Variants in RBFOX1 observed in about 807,000 individuals in gnomAD.
RBFOX1 encodes RNA binding protein fox-1 homolog 1.
Under a neutral mutation model 57.7 loss-of-function variants are expected in RBFOX1, and 8 were observed. That is an observed-to-expected ratio of 0.14 (90% CI 0.08 to 0.25). RBFOX1 has a LOEUF of 0.25. RBFOX1 is among the 10% of genes least tolerant of loss of function. RBFOX1 has a pLI of 1.00. For synonymous variants in RBFOX1, 326 were observed against 222.4 expected (o/e 1.47, Z -4.15); for missense variants, 611 against 548.5 (o/e 1.11, Z -1.14).
At chr16:6,142,006 C>G (rs1010470996) in intron 1 of RBFOX1, among the ~76,000 whole-genome samples, 1 of 151,102 alleles carries the variant, frequency 6.6e-6, no homozygotes, top group African/African-American at 2.4e-5. Flanking sequence ...TTGCAGTGAG[C>G]TGAGATCATG....
intron 14 of RBFOX1, 28 bp downstream of exon 14, chr16:7,676,866 A>C: frequency 6.3e-7 from 1 of 1,578,242 alleles, no homozygotes; most frequent in Non-Finnish European, 8.7e-7. Flanking sequence ...TGTGCTTGAC[A>C]ACTACTTGTA....
chr16:5,253,121 T>C (rs1316680529), intron 1 of RBFOX1, among the ~76,000 whole-genome samples: 1 of 152,200 alleles, frequency 6.6e-6, no homozygotes, highest in Non-Finnish European at 1.5e-5. Flanking sequence ...TTCTCCCCTT[T>C]AGCAAATGCT....
intron 2 of RBFOX1, among the ~76,000 whole-genome samples, chr16:6,625,157 TAA>T (rs34634402): frequency 0.054 from 3,024 of 56,026 alleles, 37 homozygotes; most frequent in Non-Finnish European, 0.071. Context: ...CAACCCTATC[TAA>T]AAAAAAAAAA....
At chr16:5,742,291 C>A (rs1300630542) in intron 3 of RBFOX1, among the ~76,000 whole-genome samples, 2 of 146,646 alleles carry the variant, frequency 1.4e-5, no homozygotes, top group Non-Finnish European at 3.0e-5. Flanking sequence ...TCCCTCCCTT[C>A]CTGCCTCCCT....
intron 1 of RBFOX1, among the ~76,000 whole-genome samples, chr16:5,350,747 C>T (rs563204012): frequency 6.6e-6 from 1 of 152,182 alleles, no homozygotes; most frequent in South Asian, 2.1e-4. Context: ...GCGCCTGTAA[C>T]CCCAGCTACT....
intron 11 of RBFOX1, among the ~76,000 whole-genome samples, chr16:7,631,873 G>T (rs1398544059): frequency 6.6e-6 from 1 of 152,144 alleles, no homozygotes; most frequent in Non-Finnish European, 1.5e-5. Context: ...ACACCCAAGG[G>T]TCTGAAGTCT....
intron 1 of RBFOX1, among the ~76,000 whole-genome samples, chr16:6,271,071 G>T (rs895572892): frequency 5.9e-5 from 9 of 152,158 alleles, no homozygotes; most frequent in Non-Finnish European, 1.2e-4. Context: ...AGCAATAAAT[G>T]AATACATTAG....
At chr16:5,817,976 C>T (rs548751865) in intron 3 of RBFOX1, among the ~76,000 whole-genome samples, 4 of 151,952 alleles carry the variant, frequency 2.6e-5, no homozygotes, top group Non-Finnish European at 4.4e-5. Context: ...GGGCGTGAGC[C>T]ACCGCGCCTG....
chr16:7,013,694 G>T (rs927222883), intron 3 of RBFOX1, among the ~76,000 whole-genome samples: 3 of 152,142 alleles, frequency 2.0e-5, no homozygotes, highest in Non-Finnish European at 4.4e-5. Context: ...GTTTTTCTCT[G>T]TTGCCCAGGC....
chr16:7,460,389 A>ATATATATATATATATGTG lies in RBFOX1; in HGVS notation c.28-57757_28-57756insATATATATATATATGTGT. Among the ~76,000 whole-genome samples the ATATATATATATATATGTG allele has an allele frequency of 0.01, 880 of 87,030 alleles. 46 individuals are homozygous for ATATATATATATATATGTG. The East Asian group carries it at 0.14, about 13-fold the overall frequency. 57.1% of individuals were successfully genotyped at this position (87,030 alleles called of 152,430 possible). On this transcript the variant is annotated intron_variant, in intron 4 of 15. Coordinates refer to ENST00000550418, the MANE Select transcript of RBFOX1 (RefSeq NM_018723.4). ...TAGCAAAATATATATATATATATAT[A>ATATATATATATATATGTG]TGTGTGTGTGTGTGTGTGTGTGTGT... is the stretch of plus-strand genomic sequence containing the variant.
At chr16:6,291,932 A>C (rs1437294024) in intron 1 of RBFOX1, among the ~76,000 whole-genome samples, 1 of 150,606 alleles carries the variant, frequency 6.6e-6, no homozygotes, top group Non-Finnish European at 1.5e-5. Flanking sequence ...AAAGTTATAG[A>C]CTCTGTGTTG....
intron 1 of RBFOX1, among the ~76,000 whole-genome samples, chr16:6,160,991 A>G (rs190895491): frequency 1.3e-5 from 2 of 152,278 alleles, no homozygotes; most frequent in African/African-American, 4.8e-5. Flanking sequence ...TCCTACCGAC[A>G]ATGGAATGCG....
At chr16:6,676,003 G>A (rs1002122542) in intron 3 of RBFOX1, among the ~76,000 whole-genome samples, 2 of 152,088 alleles carry the variant, frequency 1.3e-5, no homozygotes, top group South Asian at 4.1e-4. Flanking sequence ...GATGGGAGAG[G>A]AGAGGTTCTC....
chr16:7,709,683 T>G (rs1033828949), intron 15 of RBFOX1: 12 of 1,389,540 alleles, frequency 8.6e-6, no homozygotes, highest in Non-Finnish European at 1.1e-5. Context: ...CATAAGAAAG[T>G]AGAAGGAATC....
intron 3 of RBFOX1, among the ~76,000 whole-genome samples, chr16:6,674,938 C>G (rs2057361660): frequency 6.6e-6 from 1 of 152,096 alleles, no homozygotes; most frequent in Non-Finnish European, 1.5e-5. Context: ...CACAGTCTCA[C>G]TGTGTCACCC....
intron 1 of RBFOX1, among the ~76,000 whole-genome samples, chr16:5,321,406 G>A (rs556266652): frequency 2.4e-4 from 36 of 151,586 alleles, no homozygotes; most frequent in Non-Finnish European, 3.8e-4. Flanking sequence ...TGCCAGCTCC[G>A]CCTCCTGGGT....
intron 3 of RBFOX1, among the ~76,000 whole-genome samples, chr16:6,792,397 T>C (rs1378188580): frequency 2.0e-5 from 3 of 152,234 alleles, no homozygotes; most frequent in Admixed American, 6.5e-5. Context: ...ATGCATTTTT[T>C]GATTTAGCAA....
At chr16:5,592,113 A>G (rs554211167) in intron 2 of RBFOX1, among the ~76,000 whole-genome samples, 2 of 152,344 alleles carry the variant, frequency 1.3e-5, no homozygotes, top group Admixed American at 6.5e-5. Flanking sequence ...CTTAATGTGC[A>G]TAAGAGGTAT....
intron 2 of RBFOX1, among the ~76,000 whole-genome samples, chr16:6,609,016 C>G (rs1174474104): frequency 1.3e-5 from 2 of 152,170 alleles, no homozygotes; most frequent in Non-Finnish European, 2.9e-5. Context: ...TCACTCTGAC[C>G]TGACCCTTCT....
Sources: allele counts gnomAD v4.1 joint callset (sites outside exome capture counted in the v4.1 genomes callset), GRCh38; gene constraint gnomAD v4.1.1; transcripts MANE v1.5; gene names NCBI Gene and HGNC (gene_info 2026-07-23, HGNC 2026-07-21).